Variants in TEX14 observed in about 807,000 individuals in gnomAD.
The protein encoded by TEX14 is inactive serine/threonine-protein kinase TEX14.
A neutral mutation model predicts 178.6 loss-of-function variants in TEX14; 168 were observed. That is an observed-to-expected ratio of 0.94 (90% CI 0.83 to 1.07). TEX14 has a LOEUF of 1.07. Among genes scored for constraint, TEX14 ranks in the 50% least tolerant of loss-of-function variants. The probability of loss-of-function intolerance (pLI) is 0.00; values close to 1 mark genes in which losing one functional copy is unlikely to be tolerated. For missense variants in TEX14, 1,730 were observed against 1,753.6 expected (o/e 0.99, Z 0.24); for synonymous variants, 626 against 634.1 (o/e 0.99, Z 0.19).
chr17:58,589,906 G>T (rs1270940091), intron 15 of TEX14, among the ~76,000 whole-genome samples: 2 of 151,858 alleles, frequency 1.3e-5, no homozygotes, highest in Admixed American at 1.3e-4. Context: ...CACAATGTTT[G>T]TTGCCCAGCG....
intron 2 of TEX14, 72 bp from the exon 3 acceptor site, chr17:58,630,626 G>T: frequency 1.0e-6 from 1 of 1,002,576 alleles, no homozygotes; most frequent in Non-Finnish European, 1.6e-6. Flanking sequence ...AGGGGGTGGG[G>T]GAATTACATA....
chr17:58,615,165 G>A (rs1387561713), intron 8 of TEX14, 67 bp downstream of exon 8: 14 of 889,404 alleles, frequency 1.6e-5, no homozygotes, highest in Non-Finnish European at 2.6e-5. Flanking sequence ...GCACAGAGCT[G>A]AATAGCCCAG....
At position 58,659,235 on chromosome 17, in the gene TEX14, T is replaced by C. The variant is rs442785; in HGVS notation, c.-1-7233A>G. The C allele has an allele frequency of 1.3e-3, 659 of 493,422 alleles. 5 individuals are homozygous for C. The highest frequency in any genetic ancestry group is 1.6e-3 in the Non-Finnish European group (597 of 380,908). 30.6% of individuals were successfully genotyped at this position (493,422 alleles called of 1,614,324 possible). On this transcript the variant is annotated intron_variant, in intron 1 of 31. Coordinates refer to ENST00000349033, the MANE Select transcript of TEX14 (RefSeq NM_031272.5). ...CGGGGAAATCGCGGGAGCAAACACA[T>C]AGTAAAAACCCTCCCCCAAGAAAAA...
chr17:58,644,451 G>A (rs2046648058), intron 2 of TEX14, among the ~76,000 whole-genome samples: 1 of 151,874 alleles, frequency 6.6e-6, no homozygotes, highest in African/African-American at 2.4e-5. Context: ...TTCCACCTGG[G>A]CCTCCCAAGT....
chr17:58,639,907 CAT>C (rs1235851946), intron 2 of TEX14, among the ~76,000 whole-genome samples: 4 of 152,194 alleles, frequency 2.6e-5, no homozygotes, highest in African/African-American at 7.2e-5. Flanking sequence ...TCTTATGCCA[CAT>C]GTTTGCACTA....
intron 2 of TEX14, among the ~76,000 whole-genome samples, chr17:58,650,079 CAG>C (rs1245556805): frequency 2.7e-5 from 4 of 148,406 alleles, no homozygotes; most frequent in African/African-American, 5.0e-5. Flanking sequence ...TTTTCTGAGA[CAG>C]AGTCTCACTT....
intron 10 of TEX14, among the ~76,000 whole-genome samples, chr17:58,608,005 G>A (rs2045650720): frequency 6.6e-6 from 1 of 152,192 alleles, no homozygotes; most frequent in Non-Finnish European, 1.5e-5. Context: ...AAAGAAGGCT[G>A]GGTGTGGTGG....
intron 1 of TEX14, among the ~76,000 whole-genome samples, chr17:58,686,167 C>G (rs1239326824): frequency 6.6e-6 from 1 of 151,960 alleles, no homozygotes; most frequent in African/African-American, 2.4e-5. Flanking sequence ...AACACCTTGT[C>G]TTTACAAAAA....
At position 58,587,966 on chromosome 17, in the gene TEX14, C is replaced by T; in HGVS notation, c.2632G>A (p.Ala878Thr). Residue 878 changes from alanine to threonine, a missense_variant, in exon 16 of 32, where the codon GCA becomes ACA. By Grantham distance (58) the Ala-to-Thr change is moderately conservative. Transcript: ENST00000349033. ...CGGTGGCTTGACAGAGTGAAGAGTG[C>T]ACTATTAAACTGTGTGGCTTTGGCT... is the stretch of plus-strand genomic sequence containing the variant. ...AQAKATQFNS[A>T]LFTLSSHRQG... 1 of 1,608,088 alleles carries T rather than the reference C, an allele frequency of 6.2e-7. No homozygotes were observed. Among genetic ancestry groups the T allele is most frequent in the Non-Finnish European group, 8.5e-7 (1 of 1,174,828 alleles).
Position 58,631,679 on chromosome 17 carries a change from A to C in TEX14, c.137-1125T>G, listed in dbSNP as rs146633231. ...CCTTCTCTAGAGAAGAACGGTCACC[A>C]ACAGCAAACAGCAGTTAGAATAACG... On this transcript the variant is annotated intron_variant, in intron 2 of 31. Transcript: ENST00000349033. 3.3e-5 allele frequency: 5 copies of C among 151,590 alleles called. No individual in the cohort carries two copies. In the East Asian group the frequency reaches 5.8e-4, roughly 18 times the overall value. 9.4% of individuals were successfully genotyped at this position (151,590 alleles called of 1,614,324 possible).
chr17:58,653,304 G>A (rs1432819202), intron 1 of TEX14, among the ~76,000 whole-genome samples: 1 of 152,184 alleles, frequency 6.6e-6, no homozygotes, highest in African/African-American at 2.4e-5. Flanking sequence ...CAAGTTCACT[G>A]TAGTTGTTAG....
intron 3 of TEX14, among the ~76,000 whole-genome samples, chr17:58,627,791 T>TAAAA (rs2046181283): frequency 7.9e-6 from 1 of 127,230 alleles, no homozygotes. Context: ...AAAAAAAAAG[T>TAAAA]GGGAAAAACT....
At position 58,659,287 on chromosome 17, in the gene TEX14, T is replaced by TC. The variant is rs1252117399; in HGVS notation, c.-1-7286dup. 93 of 950,664 alleles carry TC rather than the reference T, an allele frequency of 9.8e-5. No individual in the cohort carries two copies. The South Asian group carries it at 1.3e-3, about 13-fold the overall frequency. The allele number at this position is 950,664 out of a possible 1,614,324, so 58.9% of individuals were successfully genotyped here. ...ACTTTATCAGGACCAACAGCGTCTC[T>TC]CCCCCGCCACAAAGACATTATTTAC... On this transcript the variant is annotated intron_variant, in intron 1 of 31. Coordinates refer to ENST00000349033, the MANE Select transcript of TEX14 (RefSeq NM_031272.5).
At chr17:58,637,533 G>A (rs1355831843) in intron 2 of TEX14, among the ~76,000 whole-genome samples, 3 of 152,174 alleles carry the variant, frequency 2.0e-5, no homozygotes, top group East Asian at 1.9e-4. Flanking sequence ...CCATACCTAC[G>A]TAATGAAGTT....
chr17:58,653,823 A>G (rs992608732), intron 1 of TEX14, among the ~76,000 whole-genome samples: 6 of 152,328 alleles, frequency 3.9e-5, no homozygotes, highest in African/African-American at 1.4e-4. Context: ...CAGCAGCCAG[A>G]ACAATCTGGT....
At chr17:58,608,856 C>T (rs2045678392) in intron 10 of TEX14, among the ~76,000 whole-genome samples, 1 of 152,114 alleles carries the variant, frequency 6.6e-6, no homozygotes, top group Non-Finnish European at 1.5e-5. Context: ...AGTAAAAGTG[C>T]CTTCAAATGG....
intron 18 of TEX14, among the ~76,000 whole-genome samples, 178 bp downstream of exon 18, chr17:58,585,610 GTTTTTTTTTTTTT>G (rs879707841): frequency 4.8e-5 from 4 of 83,056 alleles, no homozygotes; most frequent in African/African-American, 2.0e-4. Context: ...CCCAGCTAAT[GTTTTTTTTTTTTT>G]TTTTTTTTTT....
intron 1 of TEX14, chr17:58,661,165 C>T (rs763855221): frequency 4.1e-5 from 33 of 814,778 alleles, no homozygotes; most frequent in Non-Finnish European, 6.9e-5. Flanking sequence ...TAGGATAAGC[C>T]GTGGAGGTAA....
chr17:58,674,556 G>C (rs1034044061), intron 1 of TEX14, among the ~76,000 whole-genome samples: 8 of 151,418 alleles, frequency 5.3e-5, no homozygotes, highest in African/African-American at 1.9e-4. Flanking sequence ...TGTAATCCCA[G>C]CTACTCGAGA....
Sources: gnomAD v4.1 joint callset for allele counts (sites outside exome capture counted in the v4.1 genomes callset) on GRCh38, gnomAD v4.1.1 for gene constraint, MANE v1.5 for transcripts, NCBI Gene and HGNC (gene_info 2026-07-23, HGNC 2026-07-21) for gene names.